The following DOK5 variants were observed in gnomAD, a reference collection of about 807,000 sequenced individuals.
DOK5 encodes the protein downstream of tyrosine kinase 5.
In DOK5, 27 loss-of-function variants were observed where a neutral mutation model predicts 43.3. The observed-to-expected ratio is 0.62, with a 90% CI of 0.46 to 0.86. DOK5 has a LOEUF of 0.86. Among genes scored for constraint, DOK5 ranks in the 40% least tolerant of loss-of-function variants. The pLI, the probability that DOK5 is intolerant of heterozygous loss-of-function variation, is 0.00. For synonymous variants in DOK5, 146 were observed against 140.1 expected (o/e 1.04, Z -0.30); for missense variants, 373 against 392.9 (o/e 0.95, Z 0.43).
intron 7 of DOK5, among the ~76,000 whole-genome samples, chr20:54,645,953 A>AAAAAAAAAAAAAAAT: frequency 1.1e-5 from 1 of 93,688 alleles, no homozygotes; most frequent in African/African-American, 3.6e-5. Context: ...AAAAAAAAAA[A>AAAAAAAAAAAAAAAT]AAAGATACTG....
intron 4 of DOK5, among the ~76,000 whole-genome samples, chr20:54,591,232 T>A (rs1355397376): frequency 6.6e-6 from 1 of 152,232 alleles, no homozygotes; most frequent in East Asian, 1.9e-4. Context: ...CCTGCATCTT[T>A]TGTGAGCACA....
At chr20:54,599,867 A>G (rs1986254495) in intron 5 of DOK5, among the ~76,000 whole-genome samples, 1 of 152,242 alleles carries the variant, frequency 6.6e-6, no homozygotes, top group African/African-American at 2.4e-5. Flanking sequence ...CAGATGTAGC[A>G]GTGAAAACAA....
intron 5 of DOK5, among the ~76,000 whole-genome samples, chr20:54,601,458 A>G (rs904934247): frequency 6.6e-6 from 1 of 152,272 alleles, no homozygotes; most frequent in African/African-American, 2.4e-5. Flanking sequence ...CATAAGTGAT[A>G]AAGAACAGAT....
intron 6 of DOK5, among the ~76,000 whole-genome samples, chr20:54,621,784 G>T (rs994517606): frequency 5.9e-5 from 9 of 152,270 alleles, no homozygotes; most frequent in East Asian, 1.9e-4. Flanking sequence ...AGTTTGAAGT[G>T]TGGATGCACA....
At chr20:54,607,666 C>A (rs2146789812) in intron 5 of DOK5, among the ~76,000 whole-genome samples, 1 of 152,040 alleles carries the variant, frequency 6.6e-6, no homozygotes, top group East Asian at 1.9e-4. Context: ...GTGGGCAGAT[C>A]ACGAGGTCAG....
intron 1 of DOK5, among the ~76,000 whole-genome samples, chr20:54,514,336 T>C (rs537398132): frequency 2.0e-5 from 3 of 152,162 alleles, no homozygotes; most frequent in Non-Finnish European, 2.9e-5. Flanking sequence ...CTTGTCAAAA[T>C]ATGTTAAGAG....
At chr20:54,563,978 G>T (rs1985005364) in intron 2 of DOK5, among the ~76,000 whole-genome samples, 1 of 152,014 alleles carries the variant, frequency 6.6e-6, no homozygotes, top group African/African-American at 2.4e-5. Context: ...ACTATACTTA[G>T]TAGGTCTACT....
At chr20:54,622,212 AAAAAT>A (rs1427498938) in intron 6 of DOK5, among the ~76,000 whole-genome samples, 2 of 151,310 alleles carry the variant, frequency 1.3e-5, no homozygotes, top group African/African-American at 2.5e-5. Context: ...AAAAAATAAA[AAAAAT>A]AAAATAAAAA....
intron 6 of DOK5, among the ~76,000 whole-genome samples, chr20:54,643,151 A>G (rs1979203102): frequency 6.6e-6 from 1 of 152,198 alleles, no homozygotes; most frequent in Non-Finnish European, 1.5e-5. Context: ...GGCATGGGTC[A>G]CCAGCCCAAC....
At chr20:54,573,206 T>C (rs1339032214) in intron 2 of DOK5, among the ~76,000 whole-genome samples, 1 of 152,124 alleles carries the variant, frequency 6.6e-6, no homozygotes, top group Non-Finnish European at 1.5e-5. Flanking sequence ...GAGGGTAATA[T>C]GCAAGTCACT....
intron 1 of DOK5, among the ~76,000 whole-genome samples, chr20:54,498,621 C>CT (rs1383577061): frequency 6.6e-6 from 1 of 152,154 alleles, no homozygotes; most frequent in Non-Finnish European, 1.5e-5. Context: ...TTTTGTCACA[C>CT]TGCAAGTGTT....
At chr20:54,548,759 C>G (rs1002219178) in intron 1 of DOK5, among the ~76,000 whole-genome samples, 1 of 152,200 alleles carries the variant, frequency 6.6e-6, no homozygotes, top group African/African-American at 2.4e-5. Context: ...TATTTTCAAA[C>G]TGTCATTCTT....
intron 6 of DOK5, among the ~76,000 whole-genome samples, chr20:54,640,078 C>G (rs540471350): frequency 3.1e-4 from 47 of 152,154 alleles, no homozygotes; most frequent in African/African-American, 1.1e-3. Flanking sequence ...AGACAGGGAC[C>G]ATTTAGACAC....
At chr20:54,513,178 T>G (rs1157555425) in intron 1 of DOK5, among the ~76,000 whole-genome samples, 1 of 152,162 alleles carries the variant, frequency 6.6e-6, no homozygotes, top group Non-Finnish European at 1.5e-5. Context: ...GGGATGCTCC[T>G]GGAGATTGAG....
intron 5 of DOK5, among the ~76,000 whole-genome samples, chr20:54,598,429 G>T (rs1986208621): frequency 6.6e-6 from 1 of 152,140 alleles, no homozygotes; most frequent in Non-Finnish European, 1.5e-5. Flanking sequence ...TTGACATGAA[G>T]TTCTAACTGC....
chr20:54,548,699 T>C (rs1323453262), intron 1 of DOK5, among the ~76,000 whole-genome samples: 1 of 152,216 alleles, frequency 6.6e-6, no homozygotes, highest in African/African-American at 2.4e-5. Context: ...TAAAGACAGT[T>C]GAATGAATTA....
At chr20:54,476,882 G>A (rs1248309033) in intron 1 of DOK5, among the ~76,000 whole-genome samples, 2 of 152,014 alleles carry the variant, frequency 1.3e-5, no homozygotes, top group Admixed American at 6.6e-5. Context: ...ACTGAATGAT[G>A]GTGGAAGAAT....
At chr20:54,540,349 T>C (rs912516782) in intron 1 of DOK5, among the ~76,000 whole-genome samples, 1 of 152,122 alleles carries the variant, frequency 6.6e-6, no homozygotes, top group Non-Finnish European at 1.5e-5. Flanking sequence ...CTTGGGACAG[T>C]GTCTGTCTTG....
chr20:54,479,236 TAATG>T (rs1303266446), intron 1 of DOK5, among the ~76,000 whole-genome samples: 6 of 152,172 alleles, frequency 3.9e-5, no homozygotes. Context: ...TCAAAAAGCT[TAATG>T]AAATATAATT....
Sources: gnomAD v4.1 joint callset for allele counts (sites outside exome capture counted in the v4.1 genomes callset) on GRCh38, gnomAD v4.1.1 for gene constraint, MANE v1.5 for transcripts, NCBI Gene and HGNC (gene_info 2026-07-23, HGNC 2026-07-21) for gene names.